DSCAM: variants seen among roughly 807,000 people sequenced by gnomAD.
DSCAM encodes the protein DS cell adhesion molecule, also known as cell adhesion molecule DSCAM.
DSCAM carries 47 observed loss-of-function variants against 217.7 expected under a neutral mutation model. That is an observed-to-expected ratio of 0.22 (90% CI 0.17 to 0.28). The LOEUF is 0.28. Ranked by LOEUF, DSCAM falls within the 10% of genes least tolerant of loss-of-function variation. The pLI is 1.00. For missense variants in DSCAM, 2,080 were observed against 2,618.3 expected, an observed-to-expected ratio of 0.79 and a Z score of 4.49; for synonymous variants, 1,056 against 1,015.3, an observed-to-expected ratio of 1.04 and a Z score of -0.76.
chr21:40,676,104 C>T (rs1481112017), intron 3 of DSCAM, among the ~76,000 whole-genome samples: 1 of 152,158 alleles, frequency 6.6e-6, no homozygotes, highest in Non-Finnish European at 1.5e-5. Context: ...TCCAGTTTCA[C>T]CATTTTTCTT....
At chr21:40,302,196 G>T (rs2074024753) in intron 9 of DSCAM, among the ~76,000 whole-genome samples, 1 of 152,096 alleles carries the variant, frequency 6.6e-6, no homozygotes, top group Non-Finnish European at 1.5e-5. Context: ...ATATGGTTTG[G>T]TAGTGTCCCC....
chr21:40,057,925 G>A (rs2089053219), intron 28 of DSCAM, among the ~76,000 whole-genome samples: 1 of 143,230 alleles, frequency 7.0e-6, no homozygotes, highest in Non-Finnish European at 1.5e-5. Context: ...GCCCAGGCTG[G>A]AGTGCAGTGG....
chr21:40,728,026 C>G (rs573126747), intron 1 of DSCAM, among the ~76,000 whole-genome samples: 2 of 152,244 alleles, frequency 1.3e-5, no homozygotes, highest in South Asian at 4.2e-4. Context: ...TTGGCTGTGC[C>G]GTCTCCCCCT....
intron 3 of DSCAM, among the ~76,000 whole-genome samples, chr21:40,625,681 T>G (rs1314076024): frequency 1.3e-5 from 2 of 152,242 alleles, no homozygotes; most frequent in African/African-American, 4.8e-5. Context: ...CTTTTATCTT[T>G]CTTGTATCTG....
At chr21:40,763,544 T>G (rs1006640140) in intron 1 of DSCAM, among the ~76,000 whole-genome samples, 4 of 152,202 alleles carry the variant, frequency 2.6e-5, no homozygotes, top group Non-Finnish European at 2.9e-5. Context: ...GATTAAATGC[T>G]ATTCTCATCA....
chr21:40,287,956 G>A (rs1013315699), intron 10 of DSCAM, among the ~76,000 whole-genome samples: 2 of 152,182 alleles, frequency 1.3e-5, no homozygotes, highest in Non-Finnish European at 2.9e-5. Context: ...ACAGGAAAAG[G>A]GGCAGGGAGA....
intron 1 of DSCAM, among the ~76,000 whole-genome samples, chr21:40,827,483 A>AAAAAAAAAAAAAAAG (rs1569056712): frequency 2.2e-5 from 3 of 133,444 alleles, no homozygotes; most frequent in African/African-American, 2.8e-5. Context: ...AAAAAAAAAA[A>AAAAAAAAAAAAAAAG]AAAGAAAAGA....
chr21:40,666,657 T>C (rs1447861984), intron 3 of DSCAM, among the ~76,000 whole-genome samples: 2 of 152,336 alleles, frequency 1.3e-5, no homozygotes, highest in East Asian at 3.9e-4. Context: ...GGGCGTTTTG[T>C]ACTTGAAATA....
intron 10 of DSCAM, among the ~76,000 whole-genome samples, chr21:40,289,909 T>C (rs768236991): frequency 3.2e-4 from 49 of 152,092 alleles, no homozygotes; most frequent in Non-Finnish European, 1.6e-4. Context: ...CACTTGTCTA[T>C]AAAGCCATGG....
chr21:40,376,276 A>G (rs1173257912), intron 3 of DSCAM, among the ~76,000 whole-genome samples: 1 of 152,092 alleles, frequency 6.6e-6, no homozygotes, highest in African/African-American at 2.4e-5. Flanking sequence ...AGCCGTTTCA[A>G]TAACAGTTTC....
At chr21:40,130,986 G>T (rs143382354) in intron 19 of DSCAM, among the ~76,000 whole-genome samples, 6 of 152,236 alleles carry the variant, frequency 3.9e-5, no homozygotes, top group Non-Finnish European at 7.4e-5. Flanking sequence ...ATCTTTCTTC[G>T]CTTGCAAGAA....
intron 3 of DSCAM, among the ~76,000 whole-genome samples, chr21:40,553,326 A>G (rs2837702): frequency 0.07 from 10,617 of 152,284 alleles, 415 homozygotes; most frequent in East Asian, 0.11. Flanking sequence ...TCTTCTGAAA[A>G]TTTCCAGCAA....
intron 20 of DSCAM, among the ~76,000 whole-genome samples, chr21:40,104,937 A>T (rs1156406331): frequency 6.6e-6 from 1 of 152,198 alleles, no homozygotes; most frequent in African/African-American, 2.4e-5. Flanking sequence ...GGGGAAGTAC[A>T]TTCAGGGTGG....
intron 1 of DSCAM, among the ~76,000 whole-genome samples, chr21:40,806,958 C>G (rs1026021756): frequency 2.0e-5 from 3 of 150,244 alleles, no homozygotes; most frequent in Non-Finnish European, 4.4e-5. Flanking sequence ...CGGGGCCTAT[C>G]GGGGGTGAGG....
intron 1 of DSCAM, among the ~76,000 whole-genome samples, chr21:40,780,399 G>A (rs1601249869): frequency 1.3e-5 from 1 of 78,924 alleles, no homozygotes; most frequent in East Asian, 3.5e-4. Flanking sequence ...AAATATAAAC[G>A]TGTGTGTGTG....
At chr21:40,148,988 C>T (rs866063379) in intron 16 of DSCAM, among the ~76,000 whole-genome samples, 2 of 152,138 alleles carry the variant, frequency 1.3e-5, no homozygotes, top group African/African-American at 4.8e-5. Flanking sequence ...ATGTTACCAC[C>T]ATCACTGTCA....
intron 10 of DSCAM, among the ~76,000 whole-genome samples, chr21:40,281,714 ATTT>A (rs201168422): frequency 6.6e-6 from 1 of 151,602 alleles, no homozygotes; most frequent in Non-Finnish European, 1.5e-5. Context: ...ATTTTGGCGG[ATTT>A]TTTTTGTATT....
intron 27 of DSCAM, among the ~76,000 whole-genome samples, chr21:40,065,366 G>A (rs149041131): frequency 6.6e-6 from 1 of 151,998 alleles, no homozygotes; most frequent in African/African-American, 2.4e-5. Context: ...TAGAGAGAGT[G>A]CAAAAAGAAG....
chr21:40,662,868 G>A (rs573488748), intron 3 of DSCAM, among the ~76,000 whole-genome samples: 11 of 152,264 alleles, frequency 7.2e-5, no homozygotes, highest in African/African-American at 2.6e-4. Flanking sequence ...TAGTTTCAGC[G>A]ACGCAGTCCA....
Sources: gnomAD v4.1 joint callset for allele counts (sites outside exome capture counted in the v4.1 genomes callset) on GRCh38, gnomAD v4.1.1 for gene constraint, MANE v1.5 for transcripts, NCBI Gene and HGNC (gene_info 2026-07-23, HGNC 2026-07-21) for gene names.